SUPT16H: variants seen among roughly 807,000 people sequenced by gnomAD.
SUPT16H encodes the protein SPT16 homolog, facilitates chromatin remodeling subunit, also known as FACT complex subunit SPT16.
SUPT16H carries 24 observed loss-of-function variants against 136.2 expected under a neutral mutation model. The observed-to-expected ratio is 0.18, with a 90% CI of 0.13 to 0.25. The LOEUF (loss-of-function observed/expected upper bound fraction) is 0.25, where lower values mean the gene tolerates loss of function less well. Among genes scored for constraint, SUPT16H ranks in the 10% least tolerant of loss-of-function variants. The probability of loss-of-function intolerance (pLI) is 1.00; values close to 1 mark genes in which losing one functional copy is unlikely to be tolerated. For missense variants in SUPT16H, 623 were observed against 1,270.2 expected (o/e 0.49, Z 7.74); for synonymous variants, 415 against 428.2 (o/e 0.97, Z 0.38).
intron 1 of SUPT16H, among the ~76,000 whole-genome samples, chr14:21,375,749 T>A (rs1886887317): frequency 6.6e-6 from 1 of 152,216 alleles, no homozygotes; most frequent in East Asian, 1.9e-4. Context: ...AACTGCCCCA[T>A]GCCTGGCTAA....
At chr14:21,375,429 T>C (rs1886879686) in intron 1 of SUPT16H, among the ~76,000 whole-genome samples, 1 of 152,184 alleles carries the variant, frequency 6.6e-6, no homozygotes, top group Non-Finnish European at 1.5e-5. Flanking sequence ...TCCTCTGCCA[T>C]TTTGTAGCTG....
chr14:21,362,164 T>G (rs1314151390), intron 15 of SUPT16H, 33 bp downstream of exon 15: 5 of 1,603,446 alleles, frequency 3.1e-6, no homozygotes, highest in Non-Finnish European at 4.3e-6. Flanking sequence ...CCAGACAAGA[T>G]GAATCTGGGT....
intron 1 of SUPT16H, among the ~76,000 whole-genome samples, chr14:21,375,355 C>T (rs550452523): frequency 7.2e-4 from 110 of 152,184 alleles, no homozygotes; most frequent in African/African-American, 2.4e-3. Context: ...TAGCTAATGA[C>T]GCTGAGCATC....
At chr14:21,361,243 T>C (rs1425857200) in intron 15 of SUPT16H, 30 bp from the exon 16 acceptor site, 1 of 1,603,820 alleles carries the variant, frequency 6.2e-7, no homozygotes, top group Non-Finnish European at 8.5e-7. Context: ...TTTATAGACA[T>C]TTCTTTTTCA....
At chr14:21,367,952 G>A (rs866066275) in intron 7 of SUPT16H, among the ~76,000 whole-genome samples, 5 of 152,036 alleles carry the variant, frequency 3.3e-5, no homozygotes, top group Admixed American at 1.3e-4. Context: ...GTGCAGTGGC[G>A]CAATCATAGC....
At chr14:21,365,478 C>G (rs553428519) in intron 8 of SUPT16H, among the ~76,000 whole-genome samples, 1 of 152,080 alleles carries the variant, frequency 6.6e-6, no homozygotes, top group East Asian at 1.9e-4. Context: ...GGGTACATTA[C>G]TAAGACAGTA....
intron 1 of SUPT16H, chr14:21,383,509 G>A (rs1887088546): frequency 3.2e-6 from 2 of 631,650 alleles, no homozygotes; most frequent in African/African-American, 3.6e-5. Context: ...GAGGGACAGA[G>A]CGAGTGCGTG....
intron 2 of SUPT16H, among the ~76,000 whole-genome samples, chr14:21,373,032 C>T (rs1388983920): frequency 6.6e-6 from 1 of 152,188 alleles, no homozygotes; most frequent in Non-Finnish European, 1.5e-5. Context: ...CAACCTCTAC[C>T]TCCTGGGGTC....
At chr14:21,376,220 T>C (rs137863089) in intron 1 of SUPT16H, among the ~76,000 whole-genome samples, 16 of 152,346 alleles carry the variant, frequency 1.1e-4, no homozygotes, top group African/African-American at 3.8e-4. Flanking sequence ...TCCACTCTTC[T>C]ATATGCCTAT....
intron 7 of SUPT16H, among the ~76,000 whole-genome samples, chr14:21,367,373 T>C (rs1380990120): frequency 6.6e-6 from 1 of 152,248 alleles, no homozygotes; most frequent in African/African-American, 2.4e-5. Flanking sequence ...GGTGGGCCTG[T>C]TCCATTTATC....
At chr14:21,354,602 C>CT in intron 22 of SUPT16H, 62 bp from the exon 23 acceptor site, 2 of 1,583,962 alleles carry the variant, frequency 1.3e-6, no homozygotes, top group Non-Finnish European at 8.6e-7. Context: ...ATTCTTTCTT[C>CT]TTTTTTTGAG....
intron 7 of SUPT16H, 120 bp from the exon 8 acceptor site, chr14:21,366,649 C>G: frequency 2.8e-6 from 2 of 710,974 alleles, no homozygotes; most frequent in Non-Finnish European, 4.3e-6. Context: ...ACTAAACAGT[C>G]CACTCACTTT....
At chr14:21,359,341 C>A in intron 19 of SUPT16H, 143 bp downstream of exon 19, 2 of 1,143,086 alleles carry the variant, frequency 1.7e-6, no homozygotes, top group Non-Finnish European at 2.5e-6. Context: ...GGTGATCTGC[C>A]CATGTTGGCC....
At chr14:21,372,201 A>C in intron 2 of SUPT16H, 157 bp from the exon 3 acceptor site, 2 of 738,930 alleles carry the variant, frequency 2.7e-6, no homozygotes, top group Admixed American at 6.6e-5. Flanking sequence ...AAATTAAGCA[A>C]GATCGGCCAA....
intron 15 of SUPT16H, 27 bp downstream of exon 15, chr14:21,362,170 T>C: frequency 6.2e-7 from 1 of 1,604,100 alleles, no homozygotes; most frequent in Non-Finnish European, 8.5e-7. Flanking sequence ...AAGATGAATC[T>C]GGGTATGACT....
Position 21,352,032 on chromosome 14 carries a change from G to C in SUPT16H, c.*641C>G, listed in dbSNP as rs565312337. The C allele has an allele frequency of 6.5e-6, 1 of 153,202 alleles. No homozygotes were observed. Among genetic ancestry groups the C allele is most frequent in the African/African-American group, 2.4e-5 (1 of 41,416 alleles). The allele number at this position is 153,202 out of a possible 1,614,324, so 9.5% of individuals were successfully genotyped here. On this transcript the variant is annotated 3_prime_UTR_variant, in exon 26 of 26. Coordinates refer to ENST00000216297, the MANE Select transcript of SUPT16H (RefSeq NM_007192.4). ...TGTGCATTGTATGGAGAAAATAACC[G>C]AGCCAGGGAGTATCACTGCTTCTTA...
intron 23 of SUPT16H, 62 bp downstream of exon 23, chr14:21,354,349 T>A: frequency 1.3e-6 from 2 of 1,595,008 alleles, no homozygotes; most frequent in Non-Finnish European, 1.7e-6. Flanking sequence ...TATTCCATTC[T>A]AACTGACCAA....
At chr14:21,381,565 T>G (rs1887024570) in intron 1 of SUPT16H, among the ~76,000 whole-genome samples, 1 of 151,936 alleles carries the variant, frequency 6.6e-6, no homozygotes, top group Non-Finnish European at 1.5e-5. Flanking sequence ...CATAACAGTT[T>G]TTTTTTTTAA....
In SUPT16H at chr14:21,370,195, C is replaced by G. The variant is rs1886756299; in HGVS notation, c.483+141G>C. 4 of 1,184,636 alleles carry G rather than the reference C, an allele frequency of 3.4e-6. No individual in the cohort carries two copies. The Admixed American group carries it at 9.9e-5, about 29-fold the overall frequency. The allele number at this position is 1,184,636 out of a possible 1,614,324, so 73.4% of individuals were successfully genotyped here. ...AGGCAGGGAAAAAAAATAAAACTGGCACACTGCTCAGCCAAAGGGGATAAA... is the reference window on the plus strand; with the variant it reads ...AGGCAGGGAAAAAAAATAAAACTGGGACACTGCTCAGCCAAAGGGGATAAA... On this transcript the variant is annotated intron_variant, in intron 4 of 25. Coordinates refer to ENST00000216297, the MANE Select transcript of SUPT16H (RefSeq NM_007192.4).
Sources: gnomAD v4.1 joint callset for allele counts (sites outside exome capture counted in the v4.1 genomes callset) on GRCh38, gnomAD v4.1.1 for gene constraint, MANE v1.5 for transcripts, NCBI Gene and HGNC (gene_info 2026-07-23, HGNC 2026-07-21) for gene names.